Variants in SCLT1 observed in about 807,000 individuals in gnomAD.
SCLT1 encodes the protein sodium channel-associated protein 1.
SCLT1 carries 78 observed loss-of-function variants against 112.8 expected under a neutral mutation model. The observed-to-expected ratio is 0.69, with a 90% confidence interval of 0.58 to 0.83. The LOEUF is 0.83. SCLT1 is among the 40% of genes least tolerant of loss of function. The pLI, the probability that SCLT1 is intolerant of heterozygous loss-of-function variation, is 0.00. For missense variants in SCLT1, 747 were observed against 770.4 expected (o/e 0.97, Z 0.36); for synonymous variants, 257 against 254.7 (o/e 1.01, Z -0.09).
intron 9 of SCLT1, among the ~76,000 whole-genome samples, chr4:128,991,049 T>C (rs567002965): frequency 6.6e-6 from 1 of 151,732 alleles, no homozygotes; most frequent in African/African-American, 2.4e-5. Context: ...AAAATACCAA[T>C]GACATTCTTT....
At chr4:129,023,592 A>G (rs1745694606) in intron 5 of SCLT1, among the ~76,000 whole-genome samples, 1 of 152,244 alleles carries the variant, frequency 6.6e-6, no homozygotes, top group East Asian at 1.9e-4. Flanking sequence ...TCGGGTCTAC[A>G]GCTCCCAGCG....
intron 12 of SCLT1, among the ~76,000 whole-genome samples, chr4:128,957,850 T>C (rs899893439): frequency 2.0e-5 from 3 of 152,196 alleles, no homozygotes; most frequent in Non-Finnish European, 4.4e-5. Context: ...TTGTACTTTC[T>C]GCATGTGATT....
chr4:128,891,647 T>C (rs1733331780), intron 18 of SCLT1, among the ~76,000 whole-genome samples: 1 of 147,872 alleles, frequency 6.8e-6, no homozygotes, highest in Non-Finnish European at 1.5e-5. Flanking sequence ...AATATGCTTT[T>C]TTTTTTTTTT....
chr4:128,998,687 A>C (rs1257062426), intron 7 of SCLT1, among the ~76,000 whole-genome samples: 2 of 151,760 alleles, frequency 1.3e-5, no homozygotes, highest in African/African-American at 4.8e-5. Context: ...TTTAAATCTC[A>C]GAGGTAAAAG....
chr4:129,073,328 T>C (rs527379335), intron 2 of SCLT1, among the ~76,000 whole-genome samples: 3 of 152,326 alleles, frequency 2.0e-5, no homozygotes, highest in Non-Finnish European at 4.4e-5. Flanking sequence ...CTGTCCATTG[T>C]ATTTAACTTT....
chr4:129,093,035 T>C, intron 1 of SCLT1, 35 bp downstream of exon 1: 1 of 1,468,194 alleles, frequency 6.8e-7, no homozygotes. Flanking sequence ...ATATTAAACA[T>C]TGTATATGAA....
chr4:129,003,372 G>A (rs1028541912), intron 6 of SCLT1, among the ~76,000 whole-genome samples: 2 of 149,496 alleles, frequency 1.3e-5, no homozygotes, highest in African/African-American at 4.9e-5. Flanking sequence ...ACCATGGCAT[G>A]TGATACCTAT....
downstream of SCLT1, among the ~76,000 whole-genome samples, chr4:128,883,386 T>C (rs953966212): frequency 6.6e-6 from 1 of 151,754 alleles, no homozygotes; most frequent in African/African-American, 2.4e-5. Context: ...AAGACTCCTA[T>C]CACACACCCG....
In SCLT1 at chr4:129,049,052, C is replaced by T. The variant is rs567595601; in HGVS notation, c.103-5001G>A. 2.6e-3 allele frequency among the ~76,000 whole-genome samples: 388 copies of T among 152,000 alleles called. 2 individuals carry two copies. The highest frequency in any genetic ancestry group is 4.7e-3 in the Admixed American group (71 of 15,246). ...TGGTGGGACTGTAAACTAGTTCAACCATTGTGGAAGTCAGTGTGGCGATTC... is the reference window on the plus strand; with the variant it reads ...TGGTGGGACTGTAAACTAGTTCAACTATTGTGGAAGTCAGTGTGGCGATTC... On this transcript the variant is annotated intron_variant, in intron 2 of 20. Coordinates refer to ENST00000281142, the MANE Select transcript of SCLT1 (RefSeq NM_144643.4).
intron 2 of SCLT1, among the ~76,000 whole-genome samples, chr4:129,079,712 G>A (rs1751769709): frequency 6.6e-6 from 1 of 152,208 alleles, no homozygotes; most frequent in South Asian, 2.1e-4. Context: ...CCTTCTCACA[G>A]CCCCACTAGG....
chr4:128,972,944 G>C (rs1306319175), intron 9 of SCLT1, among the ~76,000 whole-genome samples: 1 of 152,008 alleles, frequency 6.6e-6, no homozygotes, highest in Non-Finnish European at 1.5e-5. Flanking sequence ...GGCATATAAG[G>C]CCAGTCAACA....
At chr4:128,960,914 G>A (rs1203447033) in intron 11 of SCLT1, among the ~76,000 whole-genome samples, 5 of 100,836 alleles carry the variant, frequency 5.0e-5, no homozygotes, top group African/African-American at 2.2e-4. Context: ...GCGACAGAGC[G>A]AGACTCCGTC....
At chr4:128,880,336 G>A (rs369474680), downstream of SCLT1, among the ~76,000 whole-genome samples, 5 of 152,130 alleles carry the variant, frequency 3.3e-5, no homozygotes, top group Admixed American at 2.0e-4. Flanking sequence ...TGGTTCGAAT[G>A]AAAATATGGG....
chr4:128,966,419 T>A (rs1308173382), intron 10 of SCLT1, among the ~76,000 whole-genome samples: 3 of 152,178 alleles, frequency 2.0e-5, no homozygotes, highest in African/African-American at 7.2e-5. Context: ...CACTGAAACC[T>A]TGCAACAGCA....
chr4:128,898,713 C>CA (rs774571208), intron 18 of SCLT1, among the ~76,000 whole-genome samples: 9 of 152,058 alleles, frequency 5.9e-5, no homozygotes, highest in African/African-American at 1.9e-4. Flanking sequence ...AAAATCCCTT[C>CA]AAAAAATCAA....
intron 18 of SCLT1, among the ~76,000 whole-genome samples, chr4:128,918,038 C>T (rs555509622): frequency 1.3e-5 from 2 of 152,270 alleles, no homozygotes; most frequent in South Asian, 4.1e-4. Context: ...ACCACAGATA[C>T]ACCTCAAAAT....
intron 5 of SCLT1, among the ~76,000 whole-genome samples, chr4:129,025,485 A>G (rs1246631726): frequency 6.6e-6 from 1 of 152,228 alleles, no homozygotes; most frequent in Non-Finnish European, 1.5e-5. Context: ...AATCCTTTAC[A>G]GAAAAGCAAA....
At chr4:128,926,139 A>G (rs1213389142) in intron 18 of SCLT1, among the ~76,000 whole-genome samples, 4 of 149,992 alleles carry the variant, frequency 2.7e-5, no homozygotes. Flanking sequence ...TTGTTTATCT[A>G]TTTTGTTGGA....
At chr4:128,981,325 A>G (rs972395709) in intron 9 of SCLT1, among the ~76,000 whole-genome samples, 2 of 152,188 alleles carry the variant, frequency 1.3e-5, no homozygotes, top group African/African-American at 2.4e-5. Flanking sequence ...CTGTTATTGT[A>G]AAATGAATGA....
Sources: gnomAD v4.1 joint callset for allele counts (sites outside exome capture counted in the v4.1 genomes callset) on GRCh38, gnomAD v4.1.1 for gene constraint, MANE v1.5 for transcripts, NCBI Gene and HGNC (gene_info 2026-07-23, HGNC 2026-07-21) for gene names.